WDR26: variants seen among roughly 807,000 people sequenced by gnomAD.
The protein encoded by WDR26 is WD repeat-containing protein 26.
Under a neutral mutation model 84.1 loss-of-function variants are expected in WDR26, and 5 were observed. That is an observed-to-expected ratio of 0.06 (90% CI 0.03 to 0.13). The LOEUF (loss-of-function observed/expected upper bound fraction) is 0.13. WDR26 is among the 10% of genes least tolerant of loss of function. WDR26 has a pLI of 1.00. For missense variants in WDR26, 642 were observed against 974.9 expected, an observed-to-expected ratio of 0.66 and a Z score of 4.55; for synonymous variants, 415 against 389.6, an observed-to-expected ratio of 1.07 and a Z score of -0.77.
rs1673003744 is a variant in WDR26 at position 224,386,916 on chromosome 1, C to CTAGAT, written c.*2918_*2919insATCTA. On this transcript the variant is annotated 3_prime_UTR_variant, in exon 14 of 14. Coordinates refer to ENST00000414423, the MANE Select transcript of WDR26 (RefSeq NM_001379403.1). ...CTTTGTCATCCCTCCCCACTAACTCCCACTCCAATTCTTTACTACCCACAT... is the reference window on the plus strand; with the variant it reads ...CTTTGTCATCCCTCCCCACTAACTCCTAGATCACTCCAATTCTTTACTACCCACAT... 6.6e-6 allele frequency: 1 copy of CTAGAT among 152,204 alleles called. No homozygotes were observed. The highest frequency in any genetic ancestry group is 1.5e-5 in the Non-Finnish European group (1 of 68,006). 9.4% of individuals were successfully genotyped at this position (152,204 alleles called of 1,614,324 possible).
chr1:224,423,092 T>C lies in WDR26; in HGVS notation c.1064+1426A>G, dbSNP rs73127512. Among the ~76,000 whole-genome samples the C allele has an allele frequency of 9.8e-3, 1,498 of 152,358 alleles. 19 individuals carry two copies. The highest frequency in any genetic ancestry group is 0.033 in the African/African-American group (1,386 of 41,574). On this transcript the variant is annotated intron_variant, in intron 4 of 13. Coordinates refer to ENST00000414423, the MANE Select transcript of WDR26 (RefSeq NM_001379403.1). ...GATTATAGAAATACCATTATTCTTG[T>C]GTATTGACCTTGTATCCTACAACCT...
At position 224,418,331 on chromosome 1, in the gene WDR26, G is replaced by A; in HGVS notation, c.1248C>T (p.Cys416=). 6.2e-7 allele frequency: 1 copy of A among 1,613,586 alleles called. No individual in the cohort carries two copies. The highest frequency in any genetic ancestry group is 8.5e-7 in the Non-Finnish European group (1 of 1,179,658). The change falls in exon 6 of 14, where the codon TGC becomes TGT. Residue 416 remains cysteine, a synonymous_variant. Transcript: ENST00000414423. ...TATCAAGTTTGGTATTGTGATATAG[G>A]CACCGATCCCTTTGTAGTTCCACCG...
At chr1:224,423,318 G>C (rs1674117947) in intron 4 of WDR26, among the ~76,000 whole-genome samples, 1 of 152,142 alleles carries the variant, frequency 6.6e-6, no homozygotes, top group Non-Finnish European at 1.5e-5. Context: ...TCCTATTCTT[G>C]ATCACAAGAA....
chr1:224,397,838 T>G (rs898199153), intron 12 of WDR26: 4 of 430,534 alleles, frequency 9.3e-6, no homozygotes, highest in Non-Finnish European at 1.6e-5. Flanking sequence ...GAATAAGCAC[T>G]GCTAATCCGT....
In WDR26 at chr1:224,434,767, G is replaced by A. The variant is rs1674565270; in HGVS notation, c.-362C>T. On this transcript the variant is annotated 5_prime_UTR_variant, in exon 1 of 14. Transcript: ENST00000414423. ...GATCCGCTCCGCTCTGCTCCCTGGT[G>A]TGTTGATTCTTCCCCCAGCTGCTGC... 1.1e-5 allele frequency: 11 copies of A among 986,422 alleles called. No individual in the cohort carries two copies. Among genetic ancestry groups the A allele is most frequent in the Non-Finnish European group, 1.3e-5 (11 of 830,304 alleles). 61.1% of individuals were successfully genotyped at this position (986,422 alleles called of 1,614,324 possible).
At chr1:224,395,047 C>T (rs1673222811) in intron 12 of WDR26, among the ~76,000 whole-genome samples, 1 of 152,130 alleles carries the variant, frequency 6.6e-6, no homozygotes, top group African/African-American at 2.4e-5. Flanking sequence ...AAAAACTAGC[C>T]ACATAGTATA....
At chr1:224,400,607 G>A (rs953105241) in intron 9 of WDR26, among the ~76,000 whole-genome samples, 2 of 152,088 alleles carry the variant, frequency 1.3e-5, no homozygotes, top group African/African-American at 2.4e-5. Context: ...GTGCAATGGC[G>A]CGATCTTGGC....
chr1:224,419,453 T>C (rs903613238), intron 5 of WDR26, 65 bp downstream of exon 5: 7 of 1,219,340 alleles, frequency 5.7e-6, no homozygotes, highest in South Asian at 2.4e-5. Flanking sequence ...GTCTTCCTAA[T>C]TGATCACTGT....
chr1:224,430,563 C>T (rs1674363016), intron 3 of WDR26: 1 of 152,120 alleles, frequency 6.6e-6, no homozygotes, highest in Non-Finnish European at 1.5e-5. Context: ...TAATGTTTGA[C>T]TCAATTTTAA....
chr1:224,415,170 C>G (rs1444151667), intron 6 of WDR26, among the ~76,000 whole-genome samples: 1 of 152,192 alleles, frequency 6.6e-6, no homozygotes, highest in Non-Finnish European at 1.5e-5. Flanking sequence ...AAAGCTAAGG[C>G]TGACTCCAAG....
intron 7 of WDR26, among the ~76,000 whole-genome samples, chr1:224,405,734 G>A (rs1673531220): frequency 6.6e-6 from 1 of 152,230 alleles, no homozygotes; most frequent in Non-Finnish European, 1.5e-5. Context: ...AGCCCATATT[G>A]TATGCTATGC....
In WDR26 at chr1:224,386,465, G is replaced by C. The variant is rs1279235472; in HGVS notation, c.*3370C>G. 1 of 152,586 alleles carries C rather than the reference G, an allele frequency of 6.6e-6. No individual in the cohort carries two copies. Among genetic ancestry groups the C allele is most frequent in the African/African-American group, 2.4e-5 (1 of 41,436 alleles). The allele number at this position is 152,586 out of a possible 1,614,324, so 9.5% of individuals were successfully genotyped here. On this transcript the variant is annotated 3_prime_UTR_variant, in exon 14 of 14. Transcript: ENST00000414423. ...ATATATTTACCCACTGTGAGGCAGAGGTGATAGGGTCAGTTCTTGTTTGCA... is the reference window on the plus strand; with the variant it reads ...ATATATTTACCCACTGTGAGGCAGACGTGATAGGGTCAGTTCTTGTTTGCA...
Position 224,415,453 on chromosome 1 carries a change from C to CTTTTTTTTTTTTTTTTT in WDR26, c.1319+2790_1319+2806dup, listed in dbSNP as rs149995544. Among the ~76,000 whole-genome samples the CTTTTTTTTTTTTTTTTT allele has an allele frequency of 1.6e-4, 13 of 82,350 alleles. 1 individual carries two copies. Among genetic ancestry groups the CTTTTTTTTTTTTTTTTT allele is most frequent in the African/African-American group, 6.3e-4 (13 of 20,588 alleles). 54.0% of individuals were successfully genotyped at this position (82,350 alleles called of 152,430 possible). On this transcript the variant is annotated intron_variant, in intron 6 of 13. Transcript: ENST00000414423. ...ACAATTCTGGAACACGTATTTCTTT[C>CTTTTTTTTTTTTTTTTT]TTTTTTTTTTTTTTTTTTTTTTTTT...
chr1:224,418,200 GA>G lies in WDR26; in HGVS notation c.1319+59del, dbSNP rs1673961874. ...AGCTACAGGATAAGACTCTAAAAAA[GA>G]AAACTAAAATTTTGTAAAATGTTAG... On this transcript the variant is annotated intron_variant, in intron 6 of 13. Coordinates refer to ENST00000414423, the MANE Select transcript of WDR26 (RefSeq NM_001379403.1). 2.7e-6 allele frequency: 4 copies of G among 1,479,100 alleles called. No homozygotes were observed. The East Asian group carries it at 6.9e-5, about 26-fold the overall frequency. The allele number at this position is 1,479,100 out of a possible 1,614,324, so 91.6% of individuals were successfully genotyped here.
At chr1:224,405,365 T>G (rs1485437559) in intron 7 of WDR26, among the ~76,000 whole-genome samples, 3 of 152,358 alleles carry the variant, frequency 2.0e-5, no homozygotes, top group Non-Finnish European at 4.4e-5. Context: ...TTGGCTATTA[T>G]GAATAATGCT....
At chr1:224,430,025 T>C (rs1429812166) in intron 3 of WDR26, 2 of 152,264 alleles carry the variant, frequency 1.3e-5, no homozygotes, top group Middle Eastern at 3.2e-3. Context: ...TAGTGCTAAC[T>C]TGCCCAATGG....
intron 6 of WDR26, among the ~76,000 whole-genome samples, chr1:224,415,348 C>G (rs1028188413): frequency 6.6e-6 from 1 of 150,824 alleles, no homozygotes; most frequent in Non-Finnish European, 1.5e-5. Flanking sequence ...GTCTAAGGCT[C>G]AGGAGATAAA....
Position 224,386,633 on chromosome 1 carries a change from T to C in WDR26, c.*3202A>G, listed in dbSNP as rs1000277387. ...CACCAGATTACTACTGCTGTTTTTT[T>C]CAGACTAAGAAAATACTGACAAAAT... On this transcript the variant is annotated 3_prime_UTR_variant, in exon 14 of 14. Transcript: ENST00000414423. 6.6e-6 allele frequency: 1 copy of C among 152,548 alleles called. No individual in the cohort carries two copies. Among genetic ancestry groups the C allele is most frequent in the Non-Finnish European group, 1.5e-5 (1 of 68,028 alleles). The allele number at this position is 152,548 out of a possible 1,614,324, so 9.4% of individuals were successfully genotyped here. A position where few individuals can be genotyped will look rare whatever the true frequency, so the allele number is the denominator to read the frequency against.
intron 7 of WDR26, among the ~76,000 whole-genome samples, chr1:224,409,522 G>C (rs1673672796): frequency 6.6e-6 from 1 of 152,082 alleles, no homozygotes; most frequent in Non-Finnish European, 1.5e-5. Context: ...AGCATACATA[G>C]GTATGCAAGA....
Sources: gnomAD v4.1 joint callset for allele counts (sites outside exome capture counted in the v4.1 genomes callset) on GRCh38, gnomAD v4.1.1 for gene constraint, MANE v1.5 for transcripts, NCBI Gene and HGNC (gene_info 2026-07-23, HGNC 2026-07-21) for gene names.